The following CCDC148 variants were observed in gnomAD, a reference collection of about 807,000 sequenced individuals.
CCDC148 encodes the protein coiled-coil domain-containing protein 148.
In CCDC148, 89 loss-of-function variants were observed where a neutral mutation model predicts 85.7. The observed-to-expected ratio is 1.04, with a 90% CI of 0.87 to 1.24. CCDC148 has a LOEUF of 1.24. CCDC148 is among the 50% of genes most tolerant of loss of function. The pLI is 0.00. For missense variants in CCDC148, 692 were observed against 671.7 expected (o/e 1.03, Z -0.33); for synonymous variants, 230 against 213.9 (o/e 1.08, Z -0.66).
chr2:158,391,178 G>T (rs1390273837), intron 1 of CCDC148, among the ~76,000 whole-genome samples: 2 of 152,128 alleles, frequency 1.3e-5, no homozygotes, highest in Non-Finnish European at 2.9e-5. Flanking sequence ...GGCCTCTTGT[G>T]ATGATGAACC....
chr2:158,240,452 T>TCA (rs4028276), intron 10 of CCDC148, among the ~76,000 whole-genome samples: 1,981 of 120,512 alleles, frequency 0.016, 37 homozygotes, highest in African/African-American at 0.042. Context: ...TCTCTCTCTC[T>TCA]CACACACACA....
chr2:158,415,519 C>A (rs1444221272), intron 1 of CCDC148, among the ~76,000 whole-genome samples: 1 of 152,224 alleles, frequency 6.6e-6, no homozygotes, highest in Non-Finnish European at 1.5e-5. Flanking sequence ...TACAATCATC[C>A]CTTCTCAACA....
At chr2:158,308,717 T>C (rs1170020402) in intron 9 of CCDC148, among the ~76,000 whole-genome samples, 1 of 152,196 alleles carries the variant, frequency 6.6e-6, no homozygotes, top group African/African-American at 2.4e-5. Context: ...GGGGAGGCCA[T>C]ATCCACATCA....
intron 1 of CCDC148, among the ~76,000 whole-genome samples, chr2:158,379,336 G>T (rs1011781243): frequency 7.9e-5 from 12 of 152,154 alleles, no homozygotes; most frequent in Non-Finnish European, 8.8e-5. Flanking sequence ...AACAGATGAG[G>T]AGTTGCTTCT....
At chr2:158,372,341 C>G (rs1321475858) in intron 1 of CCDC148, among the ~76,000 whole-genome samples, 1 of 151,978 alleles carries the variant, frequency 6.6e-6, no homozygotes, top group Non-Finnish European at 1.5e-5. Flanking sequence ...TTTGACAAAT[C>G]ACCTTAGGGA....
rs530250300 is a variant in CCDC148 at position 158,440,280 on chromosome 2, G to A, written c.25+16135C>T. Among the ~76,000 whole-genome samples the A allele has an allele frequency of 3.9e-5, 6 of 152,176 alleles. No individual in the cohort carries two copies. The South Asian group carries it at 8.3e-4, about 21-fold the overall frequency. ...GTGTAGCCATTTTGGAAAACTGTTTGGCAGTTTCTTAACTGTTAAATAGTT... is the reference window on the plus strand; with the variant it reads ...GTGTAGCCATTTTGGAAAACTGTTTAGCAGTTTCTTAACTGTTAAATAGTT... On this transcript the variant is annotated intron_variant, in intron 1 of 13. Coordinates refer to ENST00000283233, the MANE Select transcript of CCDC148 (RefSeq NM_138803.4).
rs199773108 is a variant in CCDC148 at position 158,418,792 on chromosome 2, C to CAT, written c.25+37621_25+37622dup. 2.2e-4 allele frequency among the ~76,000 whole-genome samples: 33 copies of CAT among 151,732 alleles called. No individual in the cohort carries two copies. In the East Asian group the frequency reaches 3.9e-3, roughly 18 times the overall value. ...CAAACATGTTTTCTGTCTTATTTAT[C>CAT]ATATATATATCTCTTAGAATAATGC... On this transcript the variant is annotated intron_variant, in intron 1 of 13. Transcript: ENST00000283233.
At chr2:158,448,149 C>A (rs1688238307) in intron 1 of CCDC148, among the ~76,000 whole-genome samples, 1 of 152,044 alleles carries the variant, frequency 6.6e-6, no homozygotes, top group South Asian at 2.1e-4. Flanking sequence ...CACTATTGCT[C>A]TGCCTTGTCA....
chr2:158,301,879 C>T (rs1041967270), intron 9 of CCDC148, among the ~76,000 whole-genome samples: 5 of 152,012 alleles, frequency 3.3e-5, no homozygotes, highest in Non-Finnish European at 5.9e-5. Context: ...GTTCTTGGGA[C>T]GATAATGTAG....
At chr2:158,287,291 A>G (rs1690672990) in intron 9 of CCDC148, among the ~76,000 whole-genome samples, 1 of 152,092 alleles carries the variant, frequency 6.6e-6, no homozygotes, top group Admixed American at 6.6e-5. Context: ...AATCTCATAT[A>G]CTCACATTTC....
chr2:158,437,410 T>C (rs1212820215), intron 1 of CCDC148, among the ~76,000 whole-genome samples: 1 of 152,196 alleles, frequency 6.6e-6, no homozygotes, highest in Admixed American at 6.5e-5. Flanking sequence ...AGAAAAGGCC[T>C]TTGACAAAAT....
At position 158,220,611 on chromosome 2, in the gene CCDC148, G is replaced by C. The variant is rs765151501; in HGVS notation, c.1354C>G (p.Leu452Val). 2.5e-6 allele frequency: 4 copies of C among 1,604,050 alleles called. No homozygotes were observed. The highest frequency in any genetic ancestry group is 1.3e-5 in the African/African-American group (1 of 74,282). Reference protein sequence around the residue: ...ELKKLIAEQSLKDRERVKYRQ... With the variant: ...ELKKLIAEQSVKDRERVKYRQ... The stretch of plus-strand genomic sequence containing the variant: ...TTCTTTTACCTTTCTCTGTCTTTTA[G>C]TGACTGTTCAGCGATTAATTTCTTC... Residue 452 changes from leucine (L) to valine (V), a missense_variant, in exon 11 of 14, where the codon CTA (leucine) becomes GTA (valine). Physicochemically the swap from Leu to Val is conservative, Grantham distance 32. Coordinates refer to ENST00000283233, the MANE Select transcript of CCDC148 (RefSeq NM_138803.4).
At chr2:158,210,453 C>T (rs887464439) in intron 11 of CCDC148, among the ~76,000 whole-genome samples, 1 of 152,076 alleles carries the variant, frequency 6.6e-6, no homozygotes, top group South Asian at 2.1e-4. Flanking sequence ...AGCTCTGGAT[C>T]AAGCAGACCT....
At chr2:158,436,139 C>T (rs541079435) in intron 1 of CCDC148, among the ~76,000 whole-genome samples, 23 of 152,276 alleles carry the variant, frequency 1.5e-4, no homozygotes, top group African/African-American at 5.3e-4. Flanking sequence ...AATAGACATC[C>T]ACAGAACTCT....
chr2:158,302,781 A>T (rs1362058755), intron 9 of CCDC148, among the ~76,000 whole-genome samples: 4 of 52,362 alleles, frequency 7.6e-5, no homozygotes, highest in East Asian at 1.2e-3. Flanking sequence ...AGACTCCATA[A>T]AAAAAAAAAA....
chr2:158,341,362 A>C (rs1682686954), intron 3 of CCDC148, among the ~76,000 whole-genome samples: 1 of 146,508 alleles, frequency 6.8e-6, no homozygotes, highest in South Asian at 2.1e-4. Context: ...GCTGGAGTGC[A>C]GTGGCACAAT....
intron 1 of CCDC148, among the ~76,000 whole-genome samples, chr2:158,400,881 G>T (rs1037239839): frequency 6.6e-6 from 1 of 152,126 alleles, no homozygotes; most frequent in East Asian, 1.9e-4. Context: ...CCATCAAAAA[G>T]TGGGCAAAGG....
At chr2:158,173,411 T>C (rs538115523) in intron 13 of CCDC148, among the ~76,000 whole-genome samples, 25 of 152,140 alleles carry the variant, frequency 1.6e-4, no homozygotes, top group Admixed American at 5.9e-4. Context: ...TGTTTCTAGT[T>C]TTTGCATAAA....
At chr2:158,306,303 A>G (rs1352847164) in intron 9 of CCDC148, among the ~76,000 whole-genome samples, 1 of 152,126 alleles carries the variant, frequency 6.6e-6, no homozygotes. Flanking sequence ...CAGGTGGATC[A>G]TGAGGTCAGG....
Sources: allele counts gnomAD v4.1 joint callset (sites outside exome capture counted in the v4.1 genomes callset), GRCh38; gene constraint gnomAD v4.1.1; transcripts MANE v1.5; gene names NCBI Gene and HGNC (gene_info 2026-07-23, HGNC 2026-07-21).